Variants in PRRC2B observed in about 807,000 individuals in gnomAD.
PRRC2B encodes the protein proline rich coiled-coil 2B.
PRRC2B carries 68 observed loss-of-function variants against 242.3 expected under a neutral mutation model. The observed-to-expected ratio is 0.28, with a 90% confidence interval of 0.23 to 0.34. PRRC2B has a LOEUF of 0.34. Ranked by LOEUF, PRRC2B falls within the 10% of genes least tolerant of loss-of-function variation. The pLI is 1.00. For synonymous variants in PRRC2B, 1,228 were observed against 1,173.6 expected, an observed-to-expected ratio of 1.05 and a Z score of -0.95; for missense variants, 2,835 against 2,954.8, an observed-to-expected ratio of 0.96 and a Z score of 0.94.
Position 131,467,577 on chromosome 9 carries a change from C to T in PRRC2B, c.1735C>T (p.Pro579Ser). The stretch of plus-strand genomic sequence containing the variant: ...ATATTCTCTAGGCTCCCCAGAATTC[C>T]CTGCCCAAGAGACCCCCACCACATT... ...PAVHKGSPEF[P>S]AQETPTTFPE... The change falls in exon 13 of 32, where the codon CCT (proline) becomes TCT (serine). Residue 579 changes from proline to serine, a missense_variant. Transcript: ENST00000683519. 1 of 1,607,254 alleles carries T rather than the reference C, an allele frequency of 6.2e-7. No homozygotes were observed. The highest frequency in any genetic ancestry group is 8.5e-7 in the Non-Finnish European group (1 of 1,176,692).
intron 28 of PRRC2B, 182 bp from the exon 29 acceptor site, chr9:131,491,243 G>A (rs926589895): frequency 3.4e-6 from 2 of 597,014 alleles, no homozygotes; most frequent in Non-Finnish European, 5.5e-6. Context: ...TCGAAGGTGT[G>A]AAATCCTGGG....
At chr9:131,485,666 C>T (rs201720791) in intron 25 of PRRC2B, 2 of 538,664 alleles carry the variant, frequency 3.7e-6, no homozygotes, top group Non-Finnish European at 7.3e-6. Context: ...AGCTGCCAGT[C>T]TCAGTGATGT....
At chr9:131,467,258 A>T (rs1588269390) in intron 12 of PRRC2B, among the ~76,000 whole-genome samples, 1 of 152,194 alleles carries the variant, frequency 6.6e-6, no homozygotes, top group Non-Finnish European at 1.5e-5. Context: ...TTAATAAAAC[A>T]TCTTCCACCT....
chr9:131,402,384 T>G (rs922893250), intron 1 of PRRC2B, among the ~76,000 whole-genome samples: 1 of 152,352 alleles, frequency 6.6e-6, no homozygotes, highest in Non-Finnish European at 1.5e-5. Context: ...TTTAGCATAG[T>G]ATTTCCAAGG....
At chr9:131,419,659 T>C (rs1308027182) in intron 1 of PRRC2B, among the ~76,000 whole-genome samples, 3 of 135,596 alleles carry the variant, frequency 2.2e-5, no homozygotes, top group Non-Finnish European at 4.8e-5. Flanking sequence ...TTTGTTCTCT[T>C]GTTTATTCCT....
chr9:131,373,896 A>G (rs1268813841), intron 1 of PRRC2B, among the ~76,000 whole-genome samples: 1 of 152,166 alleles, frequency 6.6e-6, no homozygotes, highest in Non-Finnish European at 1.5e-5. Context: ...CGTCTCTACT[A>G]AAAATACAAA....
intron 1 of PRRC2B, among the ~76,000 whole-genome samples, chr9:131,401,150 G>GT (rs963384970): frequency 6.6e-6 from 1 of 151,732 alleles, no homozygotes; most frequent in African/African-American, 2.4e-5. Flanking sequence ...GTAAATAGGT[G>GT]TTTTTTTCTT....
chr9:131,447,320 T>G, intron 8 of PRRC2B, 114 bp downstream of exon 8: 1 of 1,342,198 alleles, frequency 7.5e-7, no homozygotes, highest in Middle Eastern at 2.5e-4. Context: ...ACAGAGAACT[T>G]AACCAGCTCA....
intron 29 of PRRC2B, among the ~76,000 whole-genome samples, chr9:131,491,950 C>G (rs939434924): frequency 1.3e-5 from 2 of 152,230 alleles, no homozygotes; most frequent in African/African-American, 4.8e-5. Flanking sequence ...TTCTCTAGAA[C>G]AGGGGTCCCC....
intron 3 of PRRC2B, among the ~76,000 whole-genome samples, chr9:131,433,294 C>T (rs1238851640): frequency 6.6e-6 from 1 of 152,224 alleles, no homozygotes; most frequent in African/African-American, 2.4e-5. Context: ...CTAAACAGAC[C>T]TAGTCATCAG....
intron 5 of PRRC2B, among the ~76,000 whole-genome samples, chr9:131,443,352 G>A (rs1270067527): frequency 6.6e-6 from 1 of 151,394 alleles, no homozygotes; most frequent in Non-Finnish European, 1.5e-5. Flanking sequence ...TAGCCAGGAT[G>A]GTCCCGATCT....
chr9:131,479,075 G>C (rs999215780), intron 18 of PRRC2B, among the ~76,000 whole-genome samples, 177 bp from the exon 19 acceptor site: 1 of 152,128 alleles, frequency 6.6e-6, no homozygotes, highest in African/African-American at 2.4e-5. Flanking sequence ...GGTCTTTCTT[G>C]GGGGGTGCTT....
At chr9:131,453,618 A>C (rs973364330) in intron 9 of PRRC2B, among the ~76,000 whole-genome samples, 2 of 152,148 alleles carry the variant, frequency 1.3e-5, no homozygotes, top group African/African-American at 4.8e-5. Context: ...TGCAACGTCA[A>C]CTTCCTGGGC....
chr9:131,436,004 G>A (rs1402887783), intron 3 of PRRC2B, among the ~76,000 whole-genome samples: 1 of 152,208 alleles, frequency 6.6e-6, no homozygotes, highest in Non-Finnish European at 1.5e-5. Context: ...CTATGAGCAT[G>A]TATTTCTTTT....
At chr9:131,420,142 G>A (rs1040635876) in intron 1 of PRRC2B, among the ~76,000 whole-genome samples, 3 of 152,050 alleles carry the variant, frequency 2.0e-5, no homozygotes, top group South Asian at 2.1e-4. Flanking sequence ...TCCTTGGGGT[G>A]CGTGGTCTTC....
chr9:131,385,052 G>C (rs1836809853), intron 1 of PRRC2B, among the ~76,000 whole-genome samples: 3 of 152,024 alleles, frequency 2.0e-5, no homozygotes, highest in Non-Finnish European at 4.4e-5. Context: ...TTGTCGCCCA[G>C]GCTGGAGTGC....
At chr9:131,402,644 A>G (rs1837256067) in intron 1 of PRRC2B, among the ~76,000 whole-genome samples, 1 of 152,108 alleles carries the variant, frequency 6.6e-6, no homozygotes, top group African/African-American at 2.4e-5. Context: ...GTCTTATAGG[A>G]GCCCACGCAG....
At position 131,475,351 on chromosome 9, in the gene PRRC2B, C is replaced by G. The variant is rs1299092583; in HGVS notation, c.3222C>G (p.Phe1074Leu). ...GCCGGGGCCGTGGTTTCAGAGAGTT[C>G]ACTTTTCGTGGTCGGCCTGCTGGCG... The part of the protein sequence containing the change: ...ARGRGRGFRE[F>L]TFRGRPAGGN... The change falls in exon 16 of 32, where the codon TTC (phenylalanine) becomes TTG (leucine). Residue 1074 changes from phenylalanine (F) to leucine (L), a missense_variant. Coordinates refer to ENST00000683519, the MANE Select transcript of PRRC2B (RefSeq NM_013318.4). The G allele has an allele frequency of 6.3e-7, 1 of 1,587,434 alleles. No homozygotes were observed. Among genetic ancestry groups the G allele is most frequent in the Admixed American group, 1.8e-5 (1 of 55,436 alleles).
chr9:131,492,144 G>A lies in PRRC2B; in HGVS notation c.6382-25G>A, dbSNP rs368095923. 1.1e-4 allele frequency: 168 copies of A among 1,591,256 alleles called. No individual in the cohort carries two copies. The African/African-American group carries it at 2.0e-3, about 19-fold the overall frequency. On this transcript the variant is annotated intron_variant, in intron 29 of 31. Transcript: ENST00000683519. Reference sequence around the variant, plus strand: ...GCTGTCTCCAGGGCCTCAAATGACAGCTTGTTCCTGCTTGGTCTCTCTAGC... The same window carrying A: ...GCTGTCTCCAGGGCCTCAAATGACAACTTGTTCCTGCTTGGTCTCTCTAGC...
Sources: allele counts gnomAD v4.1 joint callset (sites outside exome capture counted in the v4.1 genomes callset), GRCh38; gene constraint gnomAD v4.1.1; transcripts MANE v1.5; gene names NCBI Gene and HGNC (gene_info 2026-07-23, HGNC 2026-07-21).